Variants in CYP4X1 observed in about 807,000 individuals in gnomAD.
CYP4X1 encodes cytochrome P450 family 4 subfamily X member 1, also known as cytochrome P450 4X1.
In CYP4X1, 44 loss-of-function variants were observed where a neutral mutation model predicts 57.9. The ratio of observed to expected loss-of-function variants is 0.76; its 90% CI spans 0.60 to 0.98. The LOEUF (loss-of-function observed/expected upper bound fraction) is 0.98, where lower values mean the gene tolerates loss of function less well. Ranked by LOEUF, CYP4X1 falls within the 50% of genes least tolerant of loss-of-function variation. The pLI, the probability that CYP4X1 is intolerant of heterozygous loss-of-function variation, is 0.00. For missense variants in CYP4X1, 532 were observed against 623.9 expected, an observed-to-expected ratio of 0.85 and a Z score of 1.57; for synonymous variants, 227 against 228.6, an observed-to-expected ratio of 0.99 and a Z score of 0.06.
At position 47,029,712 on chromosome 1, in the gene CYP4X1, C is replaced by G. The variant is rs548618978; in HGVS notation, c.178-278C>G. Among the ~76,000 whole-genome samples, 64 of 152,158 alleles carry G rather than the reference C, an allele frequency of 4.2e-4. 2 individuals are homozygous for G. The South Asian group carries it at 0.012, about 29-fold the overall frequency. On this transcript the variant is annotated intron_variant, in intron 1 of 11. Coordinates refer to ENST00000371901, the MANE Select transcript of CYP4X1 (RefSeq NM_178033.2). ...AGGCAGAGAGTGTGACTCGGCTCAC[C>G]CTCTATTGGGACAAGAGTTCACAGT...
downstream of CYP4X1, among the ~76,000 whole-genome samples, chr1:47,054,698 A>G (rs532065024): frequency 5.3e-5 from 8 of 152,216 alleles, no homozygotes; most frequent in Admixed American, 5.2e-4. Context: ...ATGGGAATTC[A>G]CTCATGATTT....
chr1:47,003,680 T>C, the CYP4X1 span, among the ~76,000 whole-genome samples: 5 of 151,922 alleles, frequency 3.3e-5, no homozygotes, highest in African/African-American at 1.2e-4. Context: ...TGCCACACTT[T>C]ACAACAACCA....
chr1:46,982,975 G>A, the CYP4X1 span, among the ~76,000 whole-genome samples: 1 of 152,214 alleles, frequency 6.6e-6, no homozygotes, highest in African/African-American at 2.4e-5. Flanking sequence ...GAATTGCATA[G>A]CTGCTGCCAA....
chr1:47,024,985 TATTA>T (rs1176212877), intron 1 of CYP4X1, among the ~76,000 whole-genome samples: 1 of 152,250 alleles, frequency 6.6e-6, no homozygotes, highest in Non-Finnish European at 1.5e-5. Flanking sequence ...ATATTGCATC[TATTA>T]ATTTAATAAG....
At chr1:46,961,427 C>A in the CYP4X1 span, among the ~76,000 whole-genome samples, 1 of 152,180 alleles carries the variant, frequency 6.6e-6, no homozygotes, top group East Asian at 1.9e-4. Flanking sequence ...AAGTGGTATC[C>A]TGGGCCCACC....
the CYP4X1 span, among the ~76,000 whole-genome samples, chr1:46,999,026 T>TTTTGTGTGTGTGTGTGTG: frequency 2.1e-5 from 3 of 143,248 alleles, no homozygotes; most frequent in East Asian, 2.0e-4. Flanking sequence ...CTTGCTTTCT[T>TTTTGTGTGTGTGTGTGTG]TGTGTGTGTG....
Position 47,033,310 on chromosome 1 carries a change from A to AT in CYP4X1, c.438dup (p.Asn147Ter), listed in dbSNP as rs778446007. 1 of 1,613,870 alleles carries AT rather than the reference A, an allele frequency of 6.2e-7. No individual in the cohort carries two copies. Among genetic ancestry groups the AT allele is most frequent in the Non-Finnish European group, 8.5e-7 (1 of 1,179,840 alleles). On this transcript the variant is annotated frameshift_variant, in exon 4 of 12. Coordinates refer to ENST00000371901, the MANE Select transcript of CYP4X1 (RefSeq NM_178033.2). LOFTEE classifies it high-confidence loss of function. ...CGTCGCCTACTAACTCCTGGATTCC[A>AT]TTTTAACATCCTGAAAGCATACATT... is the stretch of plus-strand genomic sequence containing the variant.
rs749862358 is a variant in CYP4X1, at chr1:47,038,653, T to C, written c.776-7T>C. On this transcript the variant is annotated splice_polypyrimidine_tract_variant and splice_region_variant and intron_variant, in intron 6 of 11. Transcript: ENST00000371901. ...CTTTGGTAATTGGAAACTATTTTTC[T>C]ACCCAGATACAATAATCCAGGAAAG... The C allele has an allele frequency of 9.4e-6, 15 of 1,588,358 alleles. 1 individual carries two copies. In the South Asian group the frequency reaches 1.7e-4, roughly 18 times the overall value.
At chr1:46,981,940 C>T in the CYP4X1 span, among the ~76,000 whole-genome samples, 2 of 152,116 alleles carry the variant, frequency 1.3e-5, no homozygotes, top group African/African-American at 4.8e-5. Context: ...TATGAGAACA[C>T]TTGGACACAG....
chr1:47,041,169 T>C (rs1117514), intron 8 of CYP4X1, among the ~76,000 whole-genome samples: 63,904 of 151,980 alleles, frequency 0.42, 14,811 homozygotes, highest in East Asian at 0.97. Context: ...ATATATACCA[T>C]GTTTTCTTTA....
the CYP4X1 span, among the ~76,000 whole-genome samples, chr1:46,973,136 T>G: frequency 1.3e-5 from 2 of 152,088 alleles, no homozygotes; most frequent in African/African-American, 2.4e-5. Flanking sequence ...GGGTTTAACA[T>G]GAAGGAATGT....
At chr1:46,971,203 C>T in the CYP4X1 span, among the ~76,000 whole-genome samples, 3 of 152,252 alleles carry the variant, frequency 2.0e-5, no homozygotes, top group Non-Finnish European at 4.4e-5. Flanking sequence ...CCTGTGTTCT[C>T]TTAGGATAAC....
At chr1:47,038,800 G>A in intron 7 of CYP4X1, 34 bp downstream of exon 7, 2 of 1,572,204 alleles carry the variant, frequency 1.3e-6, no homozygotes, top group Non-Finnish European at 8.7e-7. Context: ...CTGCTCAAGT[G>A]ACCAGTTAAT....
upstream of CYP4X1, among the ~76,000 whole-genome samples, chr1:47,021,399 A>C (rs1367453700): frequency 3.3e-5 from 5 of 152,224 alleles, no homozygotes; most frequent in African/African-American, 9.6e-5. Context: ...TGTGGGGAAA[A>C]CCCACCTCTT....
the CYP4X1 span, among the ~76,000 whole-genome samples, chr1:46,961,366 G>C: frequency 2.6e-5 from 4 of 152,170 alleles, no homozygotes; most frequent in African/African-American, 9.7e-5. Flanking sequence ...GGATTCCTAA[G>C]TGGCCTTGGC....
At chr1:47,048,819 T>C (rs1644330425) in intron 10 of CYP4X1, among the ~76,000 whole-genome samples, 190 bp downstream of exon 10, 1 of 152,256 alleles carries the variant, frequency 6.6e-6, no homozygotes, top group African/African-American at 2.4e-5. Flanking sequence ...GTATCAGTGA[T>C]TTCTTTCATG....
At chr1:47,001,916 C>T in the CYP4X1 span, among the ~76,000 whole-genome samples, 3 of 152,224 alleles carry the variant, frequency 2.0e-5, no homozygotes, top group Admixed American at 1.3e-4. Context: ...TGAGAACATC[C>T]TCCCTCCACC....
chr1:46,989,503 C>A, the CYP4X1 span, among the ~76,000 whole-genome samples: 1 of 152,092 alleles, frequency 6.6e-6, no homozygotes, highest in African/African-American at 2.4e-5. Context: ...TCAATACTAT[C>A]CCCATCAAGC....
the CYP4X1 span, among the ~76,000 whole-genome samples, chr1:47,009,593 A>G: frequency 2.6e-5 from 4 of 152,190 alleles, no homozygotes; most frequent in African/African-American, 9.7e-5. Flanking sequence ...AGACACAAAA[A>G]ACCCTTCAAA....
Sources: allele counts gnomAD v4.1 joint callset (sites outside exome capture counted in the v4.1 genomes callset), GRCh38; gene constraint gnomAD v4.1.1; transcripts MANE v1.5; gene names NCBI Gene and HGNC (gene_info 2026-07-23, HGNC 2026-07-21).